The following SLC1A7 variants were observed in gnomAD, a reference collection of about 807,000 sequenced individuals.
The protein encoded by SLC1A7 is excitatory amino acid transporter 5.
A neutral mutation model predicts 47.7 loss-of-function variants in SLC1A7; 40 were observed. That is an observed-to-expected ratio of 0.84 (90% CI 0.65 to 1.09). The LOEUF (loss-of-function observed/expected upper bound fraction) is 1.09, where lower values mean the gene tolerates loss of function less well. SLC1A7 is among the 50% of genes least tolerant of loss of function. The probability of loss-of-function intolerance (pLI) is 0.00; values close to 1 mark genes in which losing one functional copy is unlikely to be tolerated. For missense variants in SLC1A7, 746 were observed against 769.5 expected (o/e 0.97, Z 0.36); for synonymous variants, 323 against 325.6 (o/e 0.99, Z 0.09).
chr1:53,129,700 T>C (rs377714590), intron 2 of SLC1A7, among the ~76,000 whole-genome samples: 2 of 141,740 alleles, frequency 1.4e-5, no homozygotes, highest in African/African-American at 5.2e-5. Context: ...GACCCCTCCA[T>C]GGCAGCCCAG....
chr1:53,099,014 T>C (rs10465825), intron 5 of SLC1A7, among the ~76,000 whole-genome samples: 30,727 of 145,028 alleles, frequency 0.21, 3,251 homozygotes, highest in Middle Eastern at 0.31. Context: ...ATTACACTTA[T>C]ACTGCCTCAA....
At chr1:53,090,170 T>G (rs1349428181) in intron 8 of SLC1A7, 1 of 599,112 alleles carries the variant, frequency 1.7e-6, no homozygotes, top group Non-Finnish European at 3.0e-6. Context: ...TGCAAACACC[T>G]GTGTCTGGAG....
At chr1:53,109,851 G>T (rs1644684122) in intron 3 of SLC1A7, among the ~76,000 whole-genome samples, 2 of 152,266 alleles carry the variant, frequency 1.3e-5, no homozygotes, top group South Asian at 4.1e-4. Context: ...ATTTGTACTT[G>T]CTTCCCAGCT....
At chr1:53,135,423 T>TGA (rs368195842) in intron 1 of SLC1A7, among the ~76,000 whole-genome samples, 12 of 152,250 alleles carry the variant, frequency 7.9e-5, no homozygotes, top group South Asian at 4.1e-4. Context: ...TCGAAAATGC[T>TGA]GAGAGAGAGA....
At chr1:53,125,233 C>A (rs2150340175) in intron 2 of SLC1A7, among the ~76,000 whole-genome samples, 1 of 152,316 alleles carries the variant, frequency 6.6e-6, no homozygotes, top group East Asian at 1.9e-4. Context: ...GCAGAATTTT[C>A]TAATTTTTGT....
At chr1:53,138,808 C>G (rs181417280) in intron 1 of SLC1A7, among the ~76,000 whole-genome samples, 1 of 152,136 alleles carries the variant, frequency 6.6e-6, no homozygotes, top group African/African-American at 2.4e-5. Flanking sequence ...ATGTGTTGGG[C>G]AGCTACTCAC....
chr1:53,120,345 G>A (rs533260630), intron 2 of SLC1A7, among the ~76,000 whole-genome samples: 2 of 152,252 alleles, frequency 1.3e-5, no homozygotes, highest in South Asian at 2.1e-4. Flanking sequence ...CCACGAAGTC[G>A]AAGTTGTAGT....
chr1:53,105,446 A>T (rs186033573), intron 4 of SLC1A7, among the ~76,000 whole-genome samples: 1 of 152,092 alleles, frequency 6.6e-6, no homozygotes, highest in African/African-American at 2.4e-5. Context: ...TACTGTGTGG[A>T]TGGGCGAGAT....
chr1:53,103,166 C>T, intron 5 of SLC1A7, 180 bp downstream of exon 5: 1 of 549,990 alleles, frequency 1.8e-6, no homozygotes, highest in Non-Finnish European at 3.1e-6. Flanking sequence ...GGGGAAGCCC[C>T]TGGGGTGGGG....
chr1:53,115,389 T>G, intron 2 of SLC1A7: 6 of 206,212 alleles, frequency 2.9e-5, no homozygotes, highest in East Asian at 2.9e-4. Context: ...CCAAGCTTGG[T>G]CTACCTCTGA....
In SLC1A7 at chr1:53,114,304, C is replaced by A. The variant is rs374264108; in HGVS notation, c.431+454G>T. On this transcript the variant is annotated intron_variant, in intron 3 of 10. Transcript: ENST00000371494. ...CACTGCCATTGCTAGGGGGTGGCACCACAGGGCAAAGGGCATTGTCCTTGG... is the reference window on the plus strand; with the variant it reads ...CACTGCCATTGCTAGGGGGTGGCACAACAGGGCAAAGGGCATTGTCCTTGG... Among the ~76,000 whole-genome samples, 5 of 152,142 alleles carry A rather than the reference C, an allele frequency of 3.3e-5. No individual in the cohort carries two copies. The East Asian group carries it at 9.6e-4, about 29-fold the overall frequency.
intron 3 of SLC1A7, among the ~76,000 whole-genome samples, chr1:53,106,657 A>G (rs1644645985): frequency 6.6e-6 from 1 of 152,134 alleles, no homozygotes; most frequent in African/African-American, 2.4e-5. Context: ...TCGATGGAAA[A>G]GTCCATGTAA....
At chr1:53,092,900 A>T in intron 6 of SLC1A7, 113 bp from the exon 7 acceptor site, 2 of 557,916 alleles carry the variant, frequency 3.6e-6, no homozygotes, top group Non-Finnish European at 6.1e-6. Flanking sequence ...TCCTGCGAGG[A>T]CAGAGCGAGA....
intron 5 of SLC1A7, among the ~76,000 whole-genome samples, chr1:53,099,493 G>A (rs912537852): frequency 1.7e-4 from 24 of 137,174 alleles, no homozygotes; most frequent in Non-Finnish European, 2.5e-4. Context: ...ACACTCAACC[G>A]CCTCAGTACA....
intron 1 of SLC1A7, among the ~76,000 whole-genome samples, chr1:53,139,829 A>C (rs1645038560): frequency 6.6e-6 from 1 of 151,856 alleles, no homozygotes; most frequent in South Asian, 2.1e-4. Context: ...AAATCCCATT[A>C]CTAAAATGTT....
intron 3 of SLC1A7, chr1:53,108,502 G>A (rs866520227): frequency 7.1e-6 from 5 of 706,710 alleles, no homozygotes; most frequent in Middle Eastern, 2.3e-4. Context: ...ATCAAGCTCT[G>A]ATTCTCTTGC....
chr1:53,125,947 G>A (rs1473405951), intron 2 of SLC1A7, among the ~76,000 whole-genome samples: 1 of 152,206 alleles, frequency 6.6e-6, no homozygotes, highest in Non-Finnish European at 1.5e-5. Context: ...AGGGGAGTAG[G>A]ACCATATTCA....
chr1:53,104,973 C>T (rs1196994439), intron 4 of SLC1A7, among the ~76,000 whole-genome samples: 1 of 152,136 alleles, frequency 6.6e-6, no homozygotes, highest in Admixed American at 6.5e-5. Context: ...AATTACAGCG[C>T]AGCCTTATCA....
At chr1:53,105,339 T>C (rs1557676240) in intron 4 of SLC1A7, among the ~76,000 whole-genome samples, 1 of 152,218 alleles carries the variant, frequency 6.6e-6, no homozygotes, top group Non-Finnish European at 1.5e-5. Flanking sequence ...ACTGGCTTTG[T>C]CATTTACTAG....
Sources: allele counts gnomAD v4.1 joint callset (sites outside exome capture counted in the v4.1 genomes callset), GRCh38; gene constraint gnomAD v4.1.1; transcripts MANE v1.5; gene names NCBI Gene and HGNC (gene_info 2026-07-23, HGNC 2026-07-21).